The following MBD5 variants were observed in gnomAD, a reference collection of about 807,000 sequenced individuals.
MBD5 encodes the protein methyl-CpG-binding domain protein 5.
In MBD5, 13 loss-of-function variants were observed where a neutral mutation model predicts 117.3. The ratio of observed to expected loss-of-function variants is 0.11; its 90% CI spans 0.07 to 0.18. The LOEUF (loss-of-function observed/expected upper bound fraction) is 0.18, where lower values mean the gene tolerates loss of function less well. Among genes scored for constraint, MBD5 ranks in the 10% least tolerant of loss-of-function variants. The pLI, the probability that MBD5 is intolerant of heterozygous loss-of-function variation, is 1.00. For missense variants in MBD5, 1,879 were observed against 2,093.8 expected (o/e 0.90, Z 2.00); for synonymous variants, 727 against 766.4 (o/e 0.95, Z 0.85).
intron 2 of MBD5, among the ~76,000 whole-genome samples, chr2:148,185,783 G>A (rs987917789): frequency 6.6e-6 from 1 of 152,130 alleles, no homozygotes; most frequent in Non-Finnish European, 1.5e-5. Context: ...GGTGGTACGT[G>A]CCTGTAGTTC....
chr2:148,203,880 CT>C (rs1699207796), intron 2 of MBD5, among the ~76,000 whole-genome samples: 1 of 152,166 alleles, frequency 6.6e-6, no homozygotes. Flanking sequence ...TGGATCTACA[CT>C]GCAGAGCCCT....
intron 1 of MBD5, among the ~76,000 whole-genome samples, chr2:148,066,653 ATT>A (rs1274667468): frequency 6.6e-6 from 1 of 151,626 alleles, no homozygotes; most frequent in African/African-American, 2.4e-5. Flanking sequence ...AATTTTTTGT[ATT>A]TTAACAGAGA....
intron 1 of MBD5, among the ~76,000 whole-genome samples, chr2:148,097,039 G>C (rs983534439): frequency 2.0e-5 from 3 of 151,928 alleles, no homozygotes; most frequent in Non-Finnish European, 4.4e-5. Context: ...CAAGAATAGG[G>C]AATATTTGGG....
intron 3 of MBD5, among the ~76,000 whole-genome samples, chr2:148,254,291 G>T (rs796325266): frequency 1.3e-5 from 2 of 152,292 alleles, no homozygotes; most frequent in African/African-American, 4.8e-5. Context: ...AAGGGCACAG[G>T]TGCCTCCTTA....
chr2:148,442,611 G>A (rs753422211), intron 4 of MBD5, among the ~76,000 whole-genome samples: 32 of 151,218 alleles, frequency 2.1e-4, no homozygotes, highest in Non-Finnish European at 4.3e-4. Flanking sequence ...TCTCATCCCA[G>A]TTTCCACAAC....
intron 2 of MBD5, among the ~76,000 whole-genome samples, chr2:148,203,360 T>A (rs960565372): frequency 2.0e-5 from 3 of 152,178 alleles, no homozygotes; most frequent in African/African-American, 7.2e-5. Flanking sequence ...AGAGAAGAAA[T>A]GCAAATGGCT....
At chr2:148,117,829 A>G (rs1696677099) in intron 1 of MBD5, among the ~76,000 whole-genome samples, 2 of 152,234 alleles carry the variant, frequency 1.3e-5, no homozygotes, top group Non-Finnish European at 2.9e-5. Flanking sequence ...TTGCAAATGT[A>G]GAAACTGAGA....
chr2:148,391,358 A>T (rs1229434389), intron 4 of MBD5, among the ~76,000 whole-genome samples: 1 of 152,214 alleles, frequency 6.6e-6, no homozygotes, highest in Non-Finnish European at 1.5e-5. Flanking sequence ...TTACAGGTTT[A>T]ATTTGCAGCT....
intron 3 of MBD5, among the ~76,000 whole-genome samples, chr2:148,309,833 T>C (rs568476824): frequency 6.6e-6 from 1 of 152,356 alleles, no homozygotes; most frequent in African/African-American, 2.4e-5. Flanking sequence ...ATACATTCCA[T>C]CAATACCTAG....
At chr2:148,040,722 A>G (rs1488328248) in intron 1 of MBD5, among the ~76,000 whole-genome samples, 1 of 152,176 alleles carries the variant, frequency 6.6e-6, no homozygotes, top group East Asian at 1.9e-4. Context: ...TAACAGTTAA[A>G]CATATTATGG....
intron 4 of MBD5, among the ~76,000 whole-genome samples, chr2:148,428,052 A>G (rs1229042572): frequency 1.3e-5 from 2 of 152,204 alleles, no homozygotes; most frequent in African/African-American, 4.8e-5. Context: ...AGGAAGTCAT[A>G]TTGTCTGTGT....
chr2:148,038,344 A>C (rs1179868858), intron 1 of MBD5, among the ~76,000 whole-genome samples: 2 of 151,854 alleles, frequency 1.3e-5, no homozygotes, highest in African/African-American at 4.8e-5. Flanking sequence ...TACATCTACA[A>C]AATTTCTAAA....
At chr2:148,427,786 T>A (rs1241221252) in intron 4 of MBD5, among the ~76,000 whole-genome samples, 1 of 144,534 alleles carries the variant, frequency 6.9e-6, no homozygotes, top group African/African-American at 2.6e-5. Context: ...ACTTAAAGTA[T>A]AATAAAAATA....
rs370608298 is a variant in MBD5 at position 148,287,930 on chromosome 2, G to A, written c.-679-54284G>A. ...TTGCAACACATGAACTTTGGGGGAC[G>A]CACTCACTCTGTAGCATAAATGGTG... On this transcript the variant is annotated intron_variant, in intron 3 of 13. Transcript: ENST00000642680. Among the ~76,000 whole-genome samples the A allele has an allele frequency of 1.3e-4, 20 of 152,194 alleles. No individual in the cohort carries two copies. In the East Asian group the frequency reaches 1.7e-3, roughly 13 times the overall value.
Position 148,483,634 on chromosome 2 carries a change from CT to C in MBD5, c.3047del (p.Leu1016CysfsTer11). On this transcript the variant is annotated frameshift_variant, in exon 9 of 14. Transcript: ENST00000642680. LOFTEE classifies it high-confidence loss of function. ...ATCTTTCAATCTGACCATCTCAGATCTTTTGCAACAGCAAAATACCCCTTTA... is the reference window on the plus strand; with the variant it reads ...ATCTTTCAATCTGACCATCTCAGATCTTTGCAACAGCAAAATACCCCTTTA... ...LPSFNLTISD[L>X]LQQQNTPLPS... 6.4e-7 allele frequency: 1 copy of C among 1,551,654 alleles called. No homozygotes were observed. Among genetic ancestry groups the C allele is most frequent in the Non-Finnish European group, 8.7e-7 (1 of 1,147,340 alleles).
At position 148,425,173 on chromosome 2, in the gene MBD5, T is replaced by C. The variant is rs1445591322; in HGVS notation, c.-556-33030T>C. On this transcript the variant is annotated intron_variant, in intron 4 of 13. Transcript: ENST00000642680. ...AAGAAGGACAGAGAGAAGAATCAAC[T>C]AGACACAATAAAAAAAATGATAAAG... Among the ~76,000 whole-genome samples, 5 of 151,916 alleles carry C rather than the reference T, an allele frequency of 3.3e-5. No homozygotes were observed. In the East Asian group the frequency reaches 9.6e-4, roughly 29 times the overall value.
chr2:148,490,006 T>A lies in MBD5; in HGVS notation c.4374T>A (p.Ser1458Arg). The change falls in exon 11 of 14, where the codon AGT (serine) becomes AGA (arginine). Residue 1458 changes from serine to arginine, a missense_variant. This residue lies in a region of MBD5 where 1,666 missense variants were observed against 1,792.2 expected (regional missense o/e 0.93). Transcript: ENST00000642680. ...ATCATCCAGGCCATATCCACAGTAGTCCTTGTCATGAAAGGCCCAACAATG... is the reference window on the plus strand; with the variant it reads ...ATCATCCAGGCCATATCCACAGTAGACCTTGTCATGAAAGGCCCAACAATG... ...FLDHPGHIHS[S>R]PCHERPNNVS... The A allele has an allele frequency of 1.2e-6, 2 of 1,613,822 alleles. No homozygotes were observed. The highest frequency in any genetic ancestry group is 1.7e-6 in the Non-Finnish European group (2 of 1,179,976).
At chr2:148,344,456 T>A (rs1172086691) in intron 4 of MBD5, among the ~76,000 whole-genome samples, 1 of 152,098 alleles carries the variant, frequency 6.6e-6, no homozygotes, top group South Asian at 2.1e-4. Context: ...GAGCATGTAA[T>A]GTTTTTTCAT....
At position 148,114,765 on chromosome 2, in the gene MBD5, A is replaced by G. The variant is rs568493031; in HGVS notation, c.-924-63935A>G. Among the ~76,000 whole-genome samples, 3 of 152,306 alleles carry G rather than the reference A, an allele frequency of 2.0e-5. No homozygotes were observed. In the South Asian group the frequency reaches 6.2e-4, roughly 32 times the overall value. ...GAATACTTATGTAACAGCACAGGATATTTTACCAATATATAAAAGCTATGA... is the reference window on the plus strand; with the variant it reads ...GAATACTTATGTAACAGCACAGGATGTTTTACCAATATATAAAAGCTATGA... On this transcript the variant is annotated intron_variant, in intron 1 of 13. Coordinates refer to ENST00000642680, the MANE Select transcript of MBD5 (RefSeq NM_001378120.1).
Sources: allele counts gnomAD v4.1 joint callset (sites outside exome capture counted in the v4.1 genomes callset), GRCh38; gene constraint gnomAD v4.1.1; regional missense constraint gnomAD v4.1.1; transcripts MANE v1.5; gene names NCBI Gene and HGNC (gene_info 2026-07-23, HGNC 2026-07-21).